The following DMD variants were observed in gnomAD, a reference collection of about 807,000 sequenced individuals.
DMD encodes mutant dystrophin.
A neutral mutation model predicts 330.1 loss-of-function variants in DMD; 63 were observed. The ratio of observed to expected loss-of-function variants is 0.19; its 90% CI spans 0.16 to 0.24. The LOEUF is 0.24. DMD is among the 10% of genes least tolerant of loss of function. The pLI, the probability that DMD is intolerant of heterozygous loss-of-function variation, is 1.00. For missense variants in DMD, 3,344 were observed against 2,684.1 expected, an observed-to-expected ratio of 1.25 and a Z score of -5.43; for synonymous variants, 1,223 against 959.8, an observed-to-expected ratio of 1.27 and a Z score of -5.07.
At chrX:31,495,420 T>C (rs1047561376) in intron 57 of DMD, among the ~76,000 whole-genome samples, 2 of 111,501 alleles carry the variant, frequency 1.8e-5, no homozygotes, top group Non-Finnish European at 3.8e-5. Flanking sequence ...AAAACACTTA[T>C]CAGTATCCAC....
chrX:33,225,495 T>C (rs768555316), intron 1 of DMD, among the ~76,000 whole-genome samples: 7 of 110,454 alleles, frequency 6.3e-5, no homozygotes, highest in African/African-American at 2.0e-4. Context: ...TTAGAACAAG[T>C]GGACAAAAAT....
chrX:31,154,861 A>C (rs16989401), intron 74 of DMD, among the ~76,000 whole-genome samples: 7,886 of 111,155 alleles, frequency 0.071, 613 homozygotes, highest in African/African-American at 0.23. Context: ...TTCAAATTCA[A>C]TACACATGGC....
At chrX:32,634,948 C>T (rs1342195185) in intron 11 of DMD, among the ~76,000 whole-genome samples, 2 of 111,675 alleles carry the variant, frequency 1.8e-5, no homozygotes, top group East Asian at 5.7e-4. Flanking sequence ...CCTAGACTAC[C>T]TTTGAAGTTT....
intron 7 of DMD, among the ~76,000 whole-genome samples, chrX:32,781,852 T>G (rs1221160422): frequency 1.8e-5 from 2 of 111,238 alleles, no homozygotes; most frequent in African/African-American, 6.5e-5. Flanking sequence ...AAAGAACATT[T>G]GAGTCACCTT....
At chrX:32,774,060 A>T (rs755800473) in intron 7 of DMD, among the ~76,000 whole-genome samples, 1 of 111,514 alleles carries the variant, frequency 9.0e-6, no homozygotes, top group Non-Finnish European at 1.9e-5. Flanking sequence ...CCCTAGAAAG[A>T]TACACTCGCA....
intron 1 of DMD, among the ~76,000 whole-genome samples, chrX:33,079,333 G>A (rs780541967): frequency 7.6e-4 from 85 of 111,419 alleles, no homozygotes; most frequent in African/African-American, 2.7e-3. Flanking sequence ...CTTTTAAGAG[G>A]ACAAAAATGA....
chrX:32,418,971 T>TAAAAAAAAAAAAA lies in DMD; in HGVS notation c.4072-7059_4072-7058insTTTTTTTTTTTTT, dbSNP rs1569561948. Among the ~76,000 whole-genome samples, 7 of 18,933 alleles carry TAAAAAAAAAAAAA rather than the reference T, an allele frequency of 3.7e-4. No individual in the cohort carries two copies. In the African/African-American group the frequency reaches 5.9e-3, roughly 16 times the overall value. The allele number at this position is 18,933 out of a possible 115,157, so 16.4% of individuals were successfully genotyped here. ...CTGGGTGACAGAGTGAGACTCTGTC[T>TAAAAAAAAAAAAA]CAAAAAAAAAAAAAAAAAAAAAAAA... On this transcript the variant is annotated intron_variant, in intron 29 of 78. Coordinates refer to ENST00000357033, the MANE Select transcript of DMD (RefSeq NM_004006.3).
chrX:32,675,529 G>A (rs1456813921), intron 9 of DMD, among the ~76,000 whole-genome samples: 1 of 111,099 alleles, frequency 9.0e-6, no homozygotes, highest in Non-Finnish European at 1.9e-5. Flanking sequence ...TCATTATATT[G>A]CTTATATATT....
At chrX:32,816,059 C>T (rs1204017565) in intron 6 of DMD, among the ~76,000 whole-genome samples, 2 of 111,080 alleles carry the variant, frequency 1.8e-5, no homozygotes, top group Non-Finnish European at 3.8e-5. Flanking sequence ...ATTAATTTAA[C>T]TACAACTACT....
At chrX:31,407,254 T>C (rs931989981) in intron 60 of DMD, among the ~76,000 whole-genome samples, 1 of 111,118 alleles carries the variant, frequency 9.0e-6, no homozygotes. Flanking sequence ...AACCTCTGCC[T>C]CCTGGGTTCA....
chrX:33,328,076 T>G (rs972203479), intron 1 of DMD, among the ~76,000 whole-genome samples: 1 of 112,033 alleles, frequency 8.9e-6, no homozygotes, highest in Non-Finnish European at 1.9e-5. Flanking sequence ...TAGAACCAAA[T>G]TTGGAATGGG....
chrX:32,583,019 C>A (rs964375991), intron 13 of DMD, among the ~76,000 whole-genome samples: 1 of 111,553 alleles, frequency 9.0e-6, no homozygotes, highest in African/African-American at 3.3e-5. Context: ...CATCCTAACC[C>A]CCTAATATCT....
At chrX:31,936,999 T>G (rs1468845767) in intron 45 of DMD, among the ~76,000 whole-genome samples, 1 of 111,307 alleles carries the variant, frequency 9.0e-6, no homozygotes. Flanking sequence ...AAAATATGTT[T>G]AATTTCTGGT....
At chrX:33,284,533 C>CT (rs2053398148) in intron 1 of DMD, among the ~76,000 whole-genome samples, 1 of 108,278 alleles carries the variant, frequency 9.2e-6, no homozygotes, top group African/African-American at 3.3e-5. Flanking sequence ...TTATTCTATG[C>CT]TTTTTATCAT....
At chrX:32,449,822 A>T (rs190945011) in intron 26 of DMD, among the ~76,000 whole-genome samples, 2 of 110,426 alleles carry the variant, frequency 1.8e-5, no homozygotes, top group Admixed American at 9.7e-5. Context: ...TTAGCTTTCA[A>T]ATATAAGTAG....
intron 62 of DMD, among the ~76,000 whole-genome samples, chrX:31,298,711 A>T (rs1030209254): frequency 2.7e-5 from 3 of 112,086 alleles, no homozygotes; most frequent in Non-Finnish European, 5.6e-5. Context: ...CACGTAGGAA[A>T]CCCTATTGGT....
chrX:31,593,335 A>G (rs2076964629), intron 55 of DMD, among the ~76,000 whole-genome samples: 1 of 111,356 alleles, frequency 9.0e-6, no homozygotes, highest in South Asian at 3.7e-4. Flanking sequence ...TAGACAAAAC[A>G]AAAGTTCCCA....
At chrX:31,136,774 A>G (rs1170658477) in intron 76 of DMD, among the ~76,000 whole-genome samples, 1 of 111,885 alleles carries the variant, frequency 8.9e-6, no homozygotes, top group Non-Finnish European at 1.9e-5. Flanking sequence ...AGCCAAGTTT[A>G]TTTTTCCAGA....
At chrX:31,387,443 AG>A (rs1472711087) in intron 60 of DMD, among the ~76,000 whole-genome samples, 1 of 110,680 alleles carries the variant, frequency 9.0e-6, no homozygotes, top group African/African-American at 3.3e-5. Flanking sequence ...TCTGTCACCC[AG>A]GCTGGAGTAC....
Sources: gnomAD v4.1 joint callset for allele counts (sites outside exome capture counted in the v4.1 genomes callset) on GRCh38, gnomAD v4.1.1 for gene constraint, MANE v1.5 for transcripts, NCBI Gene and HGNC (gene_info 2026-07-23, HGNC 2026-07-21) for gene names.